Variants in KDM5D observed in about 807,000 individuals in gnomAD.
KDM5D encodes lysine-specific demethylase 5D.
In KDM5D, 25 loss-of-function variants were observed where a neutral mutation model predicts 31.9. The ratio of observed to expected loss-of-function variants is 0.78; its 90% CI spans 0.57 to 1.09. The LOEUF (loss-of-function observed/expected upper bound fraction) is 1.09. Ranked by LOEUF, KDM5D falls within the 50% of genes least tolerant of loss-of-function variation. The pLI is 0.00. For synonymous variants in KDM5D, 146 were observed against 122.3 expected, an observed-to-expected ratio of 1.19 and a Z score of -1.28; for missense variants, 366 against 341.6, an observed-to-expected ratio of 1.07 and a Z score of -0.56.
rs1274460287 is a variant in KDM5D, at chrY:19,707,735, G to A, written c.3411C>T (p.Phe1137=). 2 of 394,828 alleles carry A rather than the reference G, an allele frequency of 5.1e-6. No individual in the cohort carries two copies. Among genetic ancestry groups the A allele is most frequent in the Admixed American group, 1.5e-4 (2 of 13,114 alleles). The change falls in exon 24 of 27, where the codon TTC becomes TTT. Residue 1137 remains phenylalanine (F), a synonymous_variant. Coordinates refer to ENST00000317961, the MANE Select transcript of KDM5D (RefSeq NM_004653.5). ...CCTTCTCCTTCTGTTCCCCTTCCTT[G>A]AAGGCCACAATCTGCCATATCCAGA... ...LRDPGSVIVA[F]KEGEQKEKEG... is the part of the protein sequence containing the mutation.
intron 13 of KDM5D, among the ~76,000 whole-genome samples, chrY:19,717,786 T>C: frequency 3.0e-5 from 1 of 33,585 alleles, no homozygotes; most frequent in African/African-American, 1.2e-4. Flanking sequence ...CGAAAAAGTT[T>C]CACCAATCAG....
At chrY:19,730,751 T>C (rs2045466931) in intron 11 of KDM5D, among the ~76,000 whole-genome samples, 1 of 33,523 alleles carries the variant, frequency 3.0e-5, no homozygotes, top group Non-Finnish European at 7.4e-5. Flanking sequence ...CTATATGGTA[T>C]ATAACTATTG....
At chrY:19,717,238 C>T in intron 13 of KDM5D, among the ~76,000 whole-genome samples, 1 of 33,788 alleles carries the variant, frequency 3.0e-5, no homozygotes, top group Non-Finnish European at 7.3e-5. Flanking sequence ...TAAGCAGCTA[C>T]TGTGGGAAAG....
At chrY:19,707,041 C>A in intron 24 of KDM5D, 106 bp downstream of exon 24, 2 of 299,145 alleles carry the variant, frequency 6.7e-6, no homozygotes, top group African/African-American at 1.4e-4. Flanking sequence ...AGGGACTAGG[C>A]CAAAGGAGAT....
At chrY:19,734,354 A>C (rs2045492888) in intron 8 of KDM5D, among the ~76,000 whole-genome samples, 1 of 34,204 alleles carries the variant, frequency 2.9e-5, no homozygotes, top group Non-Finnish European at 7.3e-5. Context: ...ACTTAATAGA[A>C]CACAAGCGTG....
rs752847882 is a variant in KDM5D at position 19,731,298 on chromosome Y, T to G, written c.1371+474A>C. Among the ~76,000 whole-genome samples, 5 of 33,482 alleles carry G rather than the reference T, an allele frequency of 1.5e-4. No homozygotes were observed. The East Asian group carries it at 4.0e-3, about 26-fold the overall frequency. 89.8% of individuals were successfully genotyped at this position (33,482 alleles called of 37,273 possible). ...TGAGTCAGAATTTAGGATGGCTGTA[T>G]GGGTTTCTTTGACTAATACAAGAAA... On this transcript the variant is annotated intron_variant, in intron 11 of 26. Coordinates refer to ENST00000317961, the MANE Select transcript of KDM5D (RefSeq NM_004653.5).
chrY:19,729,366 A>G (rs1025346892), intron 11 of KDM5D, among the ~76,000 whole-genome samples: 2 of 33,735 alleles, frequency 5.9e-5, no homozygotes, highest in African/African-American at 2.3e-4. Context: ...AAAATAAGAT[A>G]GCAAAAAATG....
chrY:19,707,913 C>T, intron 23 of KDM5D, 21 bp downstream of exon 23: 1 of 397,191 alleles, frequency 2.5e-6, no homozygotes. Flanking sequence ...ATCTTTTCCC[C>T]ATCTGGGCCA....
intron 11 of KDM5D, among the ~76,000 whole-genome samples, chrY:19,722,663 G>A: frequency 6.4e-5 from 2 of 31,075 alleles, no homozygotes; most frequent in African/African-American, 1.3e-4. Flanking sequence ...TATCCAAAAC[G>A]TAAGAAACTG....
intron 4 of KDM5D, 116 bp from the exon 5 acceptor site, chrY:19,741,604 A>G: frequency 4.2e-6 from 1 of 239,639 alleles, no homozygotes; most frequent in Non-Finnish European, 6.7e-6. Context: ...CAATCATTGC[A>G]AGACTCAAAG....
intron 6 of KDM5D, among the ~76,000 whole-genome samples, chrY:19,736,627 G>C: frequency 3.0e-5 from 1 of 32,787 alleles, no homozygotes; most frequent in South Asian, 6.9e-4. Context: ...ACATTCTGAA[G>C]AGCTAAGTAA....
At chrY:19,739,243 A>G in intron 6 of KDM5D, among the ~76,000 whole-genome samples, 1 of 33,422 alleles carries the variant, frequency 3.0e-5, no homozygotes, top group Non-Finnish European at 7.4e-5. Flanking sequence ...CTGTAGAGGG[A>G]GAATCACTTA....
chrY:19,726,695 T>G, intron 11 of KDM5D, among the ~76,000 whole-genome samples: 1 of 33,150 alleles, frequency 3.0e-5, no homozygotes, highest in Non-Finnish European at 7.5e-5. Context: ...CACCCAGAAC[T>G]TAATGTATAA....
chrY:19,735,816 C>A, intron 6 of KDM5D, 66 bp from the exon 7 acceptor site: 1 of 238,870 alleles, frequency 4.2e-6, no homozygotes, highest in South Asian at 3.6e-5. Flanking sequence ...ACTTTATAGG[C>A]AAGGTCTGGA....
chrY:19,706,888 C>T (rs749339724), intron 24 of KDM5D, 25 bp from the exon 25 acceptor site: 20 of 371,050 alleles, frequency 5.4e-5, no homozygotes, highest in Non-Finnish European at 7.0e-5. Flanking sequence ...GAATGGGTAA[C>T]AATAATTGAG....
Position 19,732,122 on chromosome Y carries a change from G to C in KDM5D, c.1136C>G (p.Thr379Ser). ...AAAACTCTGCAAACTGTACTCCTGG[G>C]TAGCCTGTTCAAATCCAAAAGCTTC... is the stretch of plus-strand genomic sequence containing the variant. Reference protein sequence around the residue: ...PPEAFGFEQATQEYSLQSFGE... With the variant: ...PPEAFGFEQASQEYSLQSFGE... The change falls in exon 10 of 27, where the codon ACC (threonine) becomes AGC (serine). Residue 379 changes from threonine to serine, a missense_variant. Transcript: ENST00000317961. 1 of 392,494 alleles carries C rather than the reference G, an allele frequency of 2.5e-6. No individual in the cohort carries two copies.
intron 11 of KDM5D, 70 bp from the exon 12 acceptor site, chrY:19,721,381 A>T (rs2045394158): frequency 4.0e-5 from 9 of 224,058 alleles, no homozygotes; most frequent in Non-Finnish European, 6.8e-5. Flanking sequence ...ACTGAGCAAA[A>T]CATACATAAG....
intron 13 of KDM5D, among the ~76,000 whole-genome samples, chrY:19,717,862 A>T: frequency 2.9e-5 from 1 of 34,018 alleles, no homozygotes; most frequent in Admixed American, 2.6e-4. Context: ...TTTTGGCTTA[A>T]GAAAGAGTTT....
intron 18 of KDM5D, among the ~76,000 whole-genome samples, chrY:19,713,840 T>C (rs2045315927): frequency 3.0e-5 from 1 of 33,349 alleles, no homozygotes; most frequent in Non-Finnish European, 7.4e-5. Flanking sequence ...CATGAAGACA[T>C]ATGCACGTGT....
Sources: allele counts gnomAD v4.1 joint callset (sites outside exome capture counted in the v4.1 genomes callset), GRCh38; gene constraint gnomAD v4.1.1; transcripts MANE v1.5; gene names NCBI Gene and HGNC (gene_info 2026-07-23, HGNC 2026-07-21).